PRIM2: variants seen among roughly 807,000 people sequenced by gnomAD.
PRIM2 encodes the protein DNA primase subunit 2, also known as DNA primase large subunit.
Under a neutral mutation model 67.3 loss-of-function variants are expected in PRIM2, and 39 were observed. The ratio of observed to expected loss-of-function variants is 0.58; its 90% CI spans 0.45 to 0.76. The LOEUF is 0.76. PRIM2 is among the 30% of genes least tolerant of loss of function. The pLI, the probability that PRIM2 is intolerant of heterozygous loss-of-function variation, is 0.00. For synonymous variants in PRIM2, 143 were observed against 198.7 expected (o/e 0.72, Z 2.36); for missense variants, 398 against 598.7 (o/e 0.66, Z 3.50).
At chr6:57,279,844 A>G in the PRIM2 span, among the ~76,000 whole-genome samples, 2 of 152,210 alleles carry the variant, frequency 1.3e-5, no homozygotes, top group African/African-American at 4.8e-5. Flanking sequence ...GAGAGGAGGC[A>G]GGGAAGTCCT....
At chr6:57,540,741 GAAATGTAAAC>G (rs1367189625) in intron 10 of PRIM2, among the ~76,000 whole-genome samples, 210 of 152,230 alleles carry the variant, frequency 1.4e-3, no homozygotes, top group African/African-American at 4.8e-3. Flanking sequence ...CCAGTAGAGA[GAAATGTAAAC>G]AAATGTAAAG....
intron 10 of PRIM2, among the ~76,000 whole-genome samples, chr6:57,597,363 GT>G (rs1469447244): frequency 1.3e-5 from 2 of 150,720 alleles, no homozygotes; most frequent in African/African-American, 4.9e-5. Flanking sequence ...TAATTGAATA[GT>G]TTAGTGAGTC....
At chr6:57,493,170 A>C in intron 7 of PRIM2, among the ~76,000 whole-genome samples, 1 of 152,162 alleles carries the variant, frequency 6.6e-6, no homozygotes, top group Middle Eastern at 3.2e-3. Context: ...TGCTCCTATT[A>C]GTGAGTAGCA....
chr6:57,580,300 T>C (rs1776057757), intron 10 of PRIM2, among the ~76,000 whole-genome samples: 9 of 152,368 alleles, frequency 5.9e-5, no homozygotes. Context: ...TCATTGCACA[T>C]AATAGTTTTA....
intron 10 of PRIM2, among the ~76,000 whole-genome samples, chr6:57,583,466 G>C (rs1218004110): frequency 6.7e-6 from 1 of 148,816 alleles, no homozygotes; most frequent in Admixed American, 6.7e-5. Context: ...GAGAATGATG[G>C]TTTCCAATTT....
rs1166668685 is a variant in PRIM2 at position 57,463,716 on chromosome 6, C to T, written c.694-43671C>T. On this transcript the variant is annotated intron_variant, in intron 7 of 13. Transcript: ENST00000615550. The stretch of plus-strand genomic sequence containing the variant: ...AGGGCACTGAAACACATGGGAGTAC[C>T]AGGCATTAACAGCATCTCAAACCCA... Among the ~76,000 whole-genome samples, 3 of 152,194 alleles carry T rather than the reference C, an allele frequency of 2.0e-5. No homozygotes were observed. In the East Asian group the frequency reaches 5.8e-4, roughly 29 times the overall value.
At chr6:57,323,551 G>A (rs1032410987) in intron 3 of PRIM2, among the ~76,000 whole-genome samples, 1 of 152,078 alleles carries the variant, frequency 6.6e-6, no homozygotes, top group South Asian at 2.1e-4. Flanking sequence ...ATCCTGAAAA[G>A]CATATTAAGA....
chr6:57,418,382 G>GGGTT (rs1771343346), intron 7 of PRIM2, among the ~76,000 whole-genome samples: 1 of 30,596 alleles, frequency 3.3e-5, no homozygotes, highest in South Asian at 1.6e-3. Flanking sequence ...CTATGTGTGT[G>GGGTT]GTTTTTTTTT....
chr6:57,255,826 C>G, the PRIM2 span, among the ~76,000 whole-genome samples: 1 of 151,976 alleles, frequency 6.6e-6, no homozygotes, highest in Non-Finnish European at 1.5e-5. Context: ...TTTTTAAGCC[C>G]TTAAGTATAG....
At chr6:57,475,548 G>A (rs1287911288) in intron 7 of PRIM2, among the ~76,000 whole-genome samples, 1 of 152,072 alleles carries the variant, frequency 6.6e-6, no homozygotes, top group Non-Finnish European at 1.5e-5. Context: ...CTTTTTTACT[G>A]CTGAATGATA....
intron 5 of PRIM2, among the ~76,000 whole-genome samples, chr6:57,330,685 A>T (rs1419701885): frequency 1.3e-5 from 2 of 152,070 alleles, no homozygotes; most frequent in Non-Finnish European, 2.9e-5. Flanking sequence ...AATAGCAGTG[A>T]TCATGATCTC....
intron 12 of PRIM2, among the ~76,000 whole-genome samples, chr6:57,628,342 A>G (rs1291889818): frequency 1.3e-5 from 2 of 152,112 alleles, no homozygotes; most frequent in Admixed American, 6.5e-5. Context: ...TTGGGAAGCT[A>G]TCTTTTTAGG....
the PRIM2 span, among the ~76,000 whole-genome samples, chr6:57,303,663 T>A: frequency 6.6e-6 from 1 of 152,212 alleles, no homozygotes; most frequent in Non-Finnish European, 1.5e-5. Flanking sequence ...TTGCCCAGGC[T>A]GGAGTGCAGT....
In PRIM2 at chr6:57,428,902, A is replaced by G. The variant is rs139358967; in HGVS notation, c.693+46734A>G. 3.3e-3 allele frequency among the ~76,000 whole-genome samples: 503 copies of G among 152,278 alleles called. 8 individuals carry two copies. Among genetic ancestry groups the G allele is most frequent in the Non-Finnish European group, 1.3e-3 (91 of 68,028 alleles). ...GCCAGTTTTAACATGCATTATTTGT[A>G]TGTATATATGTATTCTATGAACCTT... On this transcript the variant is annotated intron_variant, in intron 7 of 13. Coordinates refer to ENST00000615550, the MANE Select transcript of PRIM2 (RefSeq NM_000947.5).
chr6:57,444,532 A>G (rs1772303487), intron 7 of PRIM2, among the ~76,000 whole-genome samples: 1 of 151,444 alleles, frequency 6.6e-6, no homozygotes, highest in South Asian at 2.1e-4. Flanking sequence ...GTACCACTGC[A>G]TTCCAGCCTG....
At chr6:57,322,115 G>T (rs1294333669) in intron 3 of PRIM2, among the ~76,000 whole-genome samples, 5 of 152,180 alleles carry the variant, frequency 3.3e-5, no homozygotes, top group Non-Finnish European at 2.9e-5. Context: ...GCTGAAAAGA[G>T]AAGAGAAATA....
At chr6:57,421,507 T>C (rs1771466097) in intron 7 of PRIM2, among the ~76,000 whole-genome samples, 1 of 152,270 alleles carries the variant, frequency 6.6e-6, no homozygotes, top group Non-Finnish European at 1.5e-5. Flanking sequence ...AGCCTTATTA[T>C]GTAAGCTGTA....
chr6:57,476,540 A>G (rs1207054383), intron 7 of PRIM2, among the ~76,000 whole-genome samples: 1 of 152,154 alleles, frequency 6.6e-6, no homozygotes, highest in Non-Finnish European at 1.5e-5. Flanking sequence ...ATTCTTTCCT[A>G]TTTATTAATG....
chr6:57,379,477 T>C (rs1259712359), intron 5 of PRIM2, among the ~76,000 whole-genome samples: 1 of 152,150 alleles, frequency 6.6e-6, no homozygotes. Context: ...GGAATTGTCT[T>C]ATGTGGCTAG....
Sources: gnomAD v4.1 joint callset for allele counts (sites outside exome capture counted in the v4.1 genomes callset) on GRCh38, gnomAD v4.1.1 for gene constraint, MANE v1.5 for transcripts, NCBI Gene and HGNC (gene_info 2026-07-23, HGNC 2026-07-21) for gene names.